Variants in GLIS3 observed in about 807,000 individuals in gnomAD.
GLIS3 encodes GLIS family zinc finger 3.
GLIS3 carries 53 observed loss-of-function variants against 78.6 expected under a neutral mutation model. That is an observed-to-expected ratio of 0.67 (90% CI 0.54 to 0.85). The LOEUF (loss-of-function observed/expected upper bound fraction) is 0.85. GLIS3 is among the 40% of genes least tolerant of loss of function. GLIS3 has a pLI of 0.00. For synonymous variants in GLIS3, 684 were observed against 509.9 expected (o/e 1.34, Z -4.60); for missense variants, 1,703 against 1,231.1 (o/e 1.38, Z -5.74).
chr9:4,224,159 C>G (rs1007950785), intron 2 of GLIS3, among the ~76,000 whole-genome samples: 9 of 152,200 alleles, frequency 5.9e-5, no homozygotes, highest in African/African-American at 2.2e-4. Flanking sequence ...CCCTTGCACT[C>G]TGATTAAAAC....
the GLIS3 span, among the ~76,000 whole-genome samples, chr9:4,403,939 G>C: frequency 1.3e-5 from 2 of 152,058 alleles, no homozygotes; most frequent in Non-Finnish European, 2.9e-5. Context: ...TGACTGAATG[G>C]ATGAGAAAAT....
intron 4 of GLIS3, among the ~76,000 whole-genome samples, chr9:4,021,896 G>A (rs1444465824): frequency 2.6e-5 from 4 of 152,128 alleles, no homozygotes; most frequent in South Asian, 2.1e-4. Flanking sequence ...CTCCCCCAGC[G>A]GTTATTTGGG....
At chr9:4,056,177 A>G (rs149902553) in intron 4 of GLIS3, among the ~76,000 whole-genome samples, 1 of 152,366 alleles carries the variant, frequency 6.6e-6, no homozygotes, top group Non-Finnish European at 1.5e-5. Flanking sequence ...GGTTTGCAAT[A>G]GCAGGGTGTC....
the GLIS3 span, among the ~76,000 whole-genome samples, chr9:4,411,216 T>G: frequency 6.6e-6 from 1 of 152,218 alleles, no homozygotes; most frequent in South Asian, 2.1e-4. Flanking sequence ...TTTTTCTCAA[T>G]TTAAATTACT....
chr9:4,388,807 A>G, the GLIS3 span, among the ~76,000 whole-genome samples: 28 of 152,348 alleles, frequency 1.8e-4, no homozygotes, highest in Non-Finnish European at 3.2e-4. Context: ...TAAAGCAGGA[A>G]AAGTATTTGA....
At chr9:3,930,175 C>A (rs1411810197) in intron 6 of GLIS3, among the ~76,000 whole-genome samples, 1 of 152,186 alleles carries the variant, frequency 6.6e-6, no homozygotes, top group Non-Finnish European at 1.5e-5. Context: ...GATAAAAAGG[C>A]AGGCTAAAAT....
chr9:3,829,421 T>C lies in GLIS3; in HGVS notation c.2545A>G (p.Ser849Gly), dbSNP rs1038891076. The C allele has an allele frequency of 1.2e-6, 2 of 1,614,102 alleles. No individual in the cohort carries two copies. Among genetic ancestry groups the C allele is most frequent in the Non-Finnish European group, 1.7e-6 (2 of 1,179,994 alleles). ...AACGAAGGCACCACACTGCAGGAGC[T>C]GACAGGCGGCACAATTCTCTGGGAA... ...PDSQRIVPPV[S>G]SCSVVPSFED... The change falls in exon 10 of 11, where the codon AGC becomes GGC. Residue 849 changes from serine to glycine, a missense_variant. Ser to Gly is a moderately conservative substitution (Grantham distance 56). Coordinates refer to ENST00000381971, the MANE Select transcript of GLIS3 (RefSeq NM_001042413.2).
chr9:3,829,640 C>T, intron 9 of GLIS3, 148 bp from the exon 10 acceptor site: 1 of 752,998 alleles, frequency 1.3e-6, no homozygotes, highest in Non-Finnish European at 2.3e-6. Flanking sequence ...TCCAAGCAAA[C>T]ATTTGGAATG....
At position 4,075,988 on chromosome 9, in the gene GLIS3, A is replaced by G. The variant is rs140653156; in HGVS notation, c.1710+41780T>C. On this transcript the variant is annotated intron_variant, in intron 4 of 10. Transcript: ENST00000381971. ...AGGATTGACTGCAAAGGAACACCTCACGAAGAAAAAATTAGTACTTTGTGA... is the reference window on the plus strand; with the variant it reads ...AGGATTGACTGCAAAGGAACACCTCGCGAAGAAAAAATTAGTACTTTGTGA... Among the ~76,000 whole-genome samples, 51 of 152,328 alleles carry G rather than the reference A, an allele frequency of 3.3e-4. No homozygotes were observed. In the East Asian group the frequency reaches 9.6e-3, roughly 29 times the overall value.
intron 4 of GLIS3, among the ~76,000 whole-genome samples, chr9:4,043,302 C>G (rs1824981173): frequency 6.6e-6 from 1 of 152,002 alleles, no homozygotes; most frequent in African/African-American, 2.4e-5. Context: ...GAGTGTTGAG[C>G]AAGAAATCCA....
the GLIS3 span, among the ~76,000 whole-genome samples, chr9:4,436,740 A>C: frequency 2.9e-5 from 4 of 136,548 alleles, no homozygotes; most frequent in Non-Finnish European, 6.1e-5. Flanking sequence ...CAGGAGGCAG[A>C]TGTTGCAGTG....
intron 4 of GLIS3, among the ~76,000 whole-genome samples, chr9:4,013,961 G>A (rs1822242319): frequency 6.6e-6 from 1 of 152,178 alleles, no homozygotes; most frequent in Middle Eastern, 3.2e-3. Context: ...CCAAAGACAG[G>A]GGAGTGCCTT....
intron 4 of GLIS3, among the ~76,000 whole-genome samples, chr9:3,999,893 G>A (rs1821009939): frequency 1.3e-5 from 2 of 152,010 alleles, no homozygotes; most frequent in African/African-American, 4.8e-5. Context: ...ATTTAAGTGT[G>A]GGGATAGAAA....
intron 2 of GLIS3, among the ~76,000 whole-genome samples, chr9:4,154,118 C>T (rs539856613): frequency 9.2e-5 from 14 of 152,294 alleles, no homozygotes; most frequent in African/African-American, 2.9e-4. Context: ...GGCTGGTTTC[C>T]GAGAGGCAGA....
intron 4 of GLIS3, among the ~76,000 whole-genome samples, chr9:3,951,475 A>G (rs1045045906): frequency 6.6e-6 from 1 of 152,102 alleles, no homozygotes; most frequent in African/African-American, 2.4e-5. Flanking sequence ...TTGATCTTTC[A>G]AGAGTAGTAT....
chr9:4,218,428 G>A (rs113983318), intron 2 of GLIS3, among the ~76,000 whole-genome samples: 53 of 152,188 alleles, frequency 3.5e-4, no homozygotes, highest in Non-Finnish European at 6.6e-4. Context: ...ACAGGCACCC[G>A]CCACCACACT....
At chr9:4,154,468 T>A (rs150581816) in intron 2 of GLIS3, among the ~76,000 whole-genome samples, 4 of 152,262 alleles carry the variant, frequency 2.6e-5, no homozygotes, top group African/African-American at 9.6e-5. Flanking sequence ...AAGGCAAAGA[T>A]AAACAGATAT....
At chr9:3,960,935 T>C (rs1311511022) in intron 4 of GLIS3, among the ~76,000 whole-genome samples, 1 of 152,224 alleles carries the variant, frequency 6.6e-6, no homozygotes, top group Admixed American at 6.5e-5. Flanking sequence ...AAGAAGTGGA[T>C]GGCAACCTTC....
the GLIS3 span, among the ~76,000 whole-genome samples, chr9:4,415,716 A>G: frequency 6.6e-6 from 1 of 152,216 alleles, no homozygotes; most frequent in Non-Finnish European, 1.5e-5. Context: ...TCTTGATCAA[A>G]GCTTCAGATT....
Sources: gnomAD v4.1 joint callset for allele counts (sites outside exome capture counted in the v4.1 genomes callset) on GRCh38, gnomAD v4.1.1 for gene constraint, MANE v1.5 for transcripts, NCBI Gene and HGNC (gene_info 2026-07-23, HGNC 2026-07-21) for gene names.